ZNF609: variants seen among roughly 807,000 people sequenced by gnomAD.
ZNF609 encodes the protein zinc finger protein 609.
Under a neutral mutation model 109.5 loss-of-function variants are expected in ZNF609, and 11 were observed. The observed-to-expected ratio is 0.10, with a 90% confidence interval of 0.06 to 0.17. The LOEUF (loss-of-function observed/expected upper bound fraction) is 0.17. ZNF609 is among the 10% of genes least tolerant of loss of function. ZNF609 has a pLI of 1.00. For missense variants in ZNF609, 1,559 were observed against 1,772.4 expected, an observed-to-expected ratio of 0.88 and a Z score of 2.16; for synonymous variants, 646 against 662.0, an observed-to-expected ratio of 0.98 and a Z score of 0.37.
chr15:64,463,487 G>A (rs1183563982), intron 1 of ZNF609, among the ~76,000 whole-genome samples: 1 of 152,066 alleles, frequency 6.6e-6, no homozygotes, highest in African/African-American at 2.4e-5. Context: ...GAGATTAGAA[G>A]TAAAACTCAT....
intron 2 of ZNF609, among the ~76,000 whole-genome samples, chr15:64,593,944 A>C (rs1595731585): frequency 6.6e-6 from 1 of 152,252 alleles, no homozygotes; most frequent in Admixed American, 6.5e-5. Flanking sequence ...TTGACTGTCA[A>C]TCAAGTATTA....
At chr15:64,529,664 T>C in intron 2 of ZNF609, 1 of 755,708 alleles carries the variant, frequency 1.3e-6, no homozygotes, top group East Asian at 2.6e-5. Context: ...GACCTTCACC[T>C]TACCCATGGT....
chr15:64,646,031 G>T (rs1896328946), intron 3 of ZNF609, among the ~76,000 whole-genome samples: 1 of 152,198 alleles, frequency 6.6e-6, no homozygotes, highest in South Asian at 2.1e-4. Flanking sequence ...CTACTCCTAG[G>T]TATATACTTA....
Position 64,527,755 on chromosome 15 carries a change from C to G in ZNF609, c.747+27589C>G, listed in dbSNP as rs958540965. On this transcript the variant is annotated intron_variant, in intron 2 of 9. Transcript: ENST00000326648. ...AGAAACTTGTGAGTCATCTTTGATGCCTTTCCCTCACTGCTCACATCTGGT... is the reference window on the plus strand; with the variant it reads ...AGAAACTTGTGAGTCATCTTTGATGGCTTTCCCTCACTGCTCACATCTGGT... Among the ~76,000 whole-genome samples the G allele has an allele frequency of 5.3e-5, 8 of 152,250 alleles. No individual in the cohort carries two copies. The East Asian group carries it at 1.5e-3, about 29-fold the overall frequency.
intron 5 of ZNF609, among the ~76,000 whole-genome samples, chr15:64,677,492 T>A (rs774170817): frequency 6.6e-6 from 1 of 152,208 alleles, no homozygotes; most frequent in Non-Finnish European, 1.5e-5. Context: ...CGATTCCTTG[T>A]CCGTGTTTCC....
rs71133451 is a variant in ZNF609 at position 64,588,442 on chromosome 15, A to AAAAAAAAAAAAAAAAAAAAAAAAAAAAG, written c.748-34383_748-34382insAAAAAAAAAAAAAAAAAAAAAAAAAGAA. Among the ~76,000 whole-genome samples, 5 of 75,282 alleles carry AAAAAAAAAAAAAAAAAAAAAAAAAAAAG rather than the reference A, an allele frequency of 6.6e-5. 1 individual carries two copies. The highest frequency in any genetic ancestry group is 5.8e-4 in the East Asian group (1 of 1,734). 49.4% of individuals were successfully genotyped at this position (75,282 alleles called of 152,430 possible). A position where few individuals can be genotyped will look rare whatever the true frequency, so the allele number is the denominator to read the frequency against. ...CACTCTGTCTAAAAAAAAAAAAAAAAAAGAAGAGGAAGACTGTACAGACTA... is the reference window on the plus strand; with the variant it reads ...CACTCTGTCTAAAAAAAAAAAAAAAAAAAAAAAAAAAAAAAAAAAAAAAAAAAGAAGAAGAGGAAGACTGTACAGACTA... On this transcript the variant is annotated intron_variant, in intron 2 of 9. Coordinates refer to ENST00000326648, the MANE Select transcript of ZNF609 (RefSeq NM_015042.2).
chr15:64,516,325 G>T (rs1318246719), intron 2 of ZNF609, among the ~76,000 whole-genome samples: 1 of 152,038 alleles, frequency 6.6e-6, no homozygotes, highest in African/African-American at 2.4e-5. Flanking sequence ...CGTTTATTCA[G>T]TCTTGCTGAG....
chr15:64,632,543 G>A lies in ZNF609; in HGVS notation c.973+9491G>A, dbSNP rs368813370. Among the ~76,000 whole-genome samples the A allele has an allele frequency of 1.6e-4, 24 of 151,812 alleles. No homozygotes were observed. The East Asian group carries it at 4.3e-3, about 27-fold the overall frequency. ...GTCACCCAGGCTAGGGTGCCGTGGT[G>A]CAATCTTGGCTCACTGCAACCTCCA... On this transcript the variant is annotated intron_variant, in intron 3 of 9. Transcript: ENST00000326648.
At chr15:64,539,710 T>G (rs1894217042) in intron 2 of ZNF609, among the ~76,000 whole-genome samples, 1 of 151,774 alleles carries the variant, frequency 6.6e-6, no homozygotes, top group Non-Finnish European at 1.5e-5. Flanking sequence ...CACTATGTTG[T>G]CCAGGCTGGT....
rs80102532 is a variant in ZNF609, at chr15:64,589,709, T to C, written c.748-33118T>C. The stretch of plus-strand genomic sequence containing the variant: ...TCTGTTCTTAACCAAGGCCCTCCTT[T>C]ACTTCTTCCTAAAGTAGTCCACATC... On this transcript the variant is annotated intron_variant, in intron 2 of 9. Transcript: ENST00000326648. 2.6e-4 allele frequency among the ~76,000 whole-genome samples: 39 copies of C among 152,330 alleles called. 2 individuals are homozygous for C. The East Asian group carries it at 3.5e-3, about 14-fold the overall frequency.
intron 1 of ZNF609, among the ~76,000 whole-genome samples, chr15:64,483,586 A>G (rs767038065): frequency 2.0e-5 from 3 of 152,004 alleles, no homozygotes; most frequent in Non-Finnish European, 2.9e-5. Flanking sequence ...AGGTCTGGCT[A>G]TGTTGCCCAG....
chr15:64,570,828 C>T (rs558604081), intron 2 of ZNF609, among the ~76,000 whole-genome samples: 17 of 152,196 alleles, frequency 1.1e-4, no homozygotes, highest in South Asian at 1.0e-3. Context: ...GAGTTCGAGA[C>T]GAGCCTGGCC....
At chr15:64,659,100 T>C (rs1896536610) in intron 3 of ZNF609, among the ~76,000 whole-genome samples, 1 of 152,208 alleles carries the variant, frequency 6.6e-6, no homozygotes, top group African/African-American at 2.4e-5. Context: ...TAAAGATCTA[T>C]GTTTCATTTG....
chr15:64,567,728 C>T (rs1894799559), intron 2 of ZNF609, among the ~76,000 whole-genome samples: 1 of 151,694 alleles, frequency 6.6e-6, no homozygotes, highest in Admixed American at 6.6e-5. Flanking sequence ...GTGGCACGAT[C>T]TCGGCTCACT....
Position 64,680,168 on chromosome 15 carries a change from G to T in ZNF609, c.3770-17G>T. 2 of 1,613,056 alleles carry T rather than the reference G, an allele frequency of 1.2e-6. No individual in the cohort carries two copies. Among genetic ancestry groups the T allele is most frequent in the South Asian group, 2.2e-5 (2 of 90,986 alleles). On this transcript the variant is annotated splice_polypyrimidine_tract_variant and intron_variant, in intron 6 of 9. Transcript: ENST00000326648. ...ACCTCTCCCATCTCTTTGACTGTTT[G>T]ATTTCTCCTTCCACAGGTTCCTACC...
At chr15:64,663,813 T>C (rs1896611424) in intron 3 of ZNF609, among the ~76,000 whole-genome samples, 1 of 152,192 alleles carries the variant, frequency 6.6e-6, no homozygotes, top group Admixed American at 6.5e-5. Flanking sequence ...TCTCTCTCTC[T>C]TTCTACTATT....
chr15:64,595,340 G>A (rs1435564367), intron 2 of ZNF609, among the ~76,000 whole-genome samples: 2 of 144,458 alleles, frequency 1.4e-5, no homozygotes, highest in Admixed American at 7.1e-5. Flanking sequence ...CAGCCTGGGC[G>A]ACAGAGGAAG....
chr15:64,606,577 A>C (rs74369763), intron 2 of ZNF609, among the ~76,000 whole-genome samples: 2 of 132,740 alleles, frequency 1.5e-5, no homozygotes, highest in Admixed American at 7.8e-5. Context: ...AAAAAAAAAA[A>C]CAGAAAAACT....
intron 2 of ZNF609, among the ~76,000 whole-genome samples, chr15:64,519,243 T>C (rs1893858437): frequency 6.6e-6 from 1 of 152,196 alleles, no homozygotes; most frequent in South Asian, 2.1e-4. Flanking sequence ...CAAGTAGAAA[T>C]GTCTCTTGAG....
Sources: allele counts gnomAD v4.1 joint callset (sites outside exome capture counted in the v4.1 genomes callset), GRCh38; gene constraint gnomAD v4.1.1; transcripts MANE v1.5; gene names NCBI Gene and HGNC (gene_info 2026-07-23, HGNC 2026-07-21).